Variants in PLCB4 observed in about 807,000 individuals in gnomAD.
PLCB4 encodes the protein phospholipase C beta 4.
In PLCB4, 77 loss-of-function variants were observed where a neutral mutation model predicts 178.8. The observed-to-expected ratio is 0.43, with a 90% CI of 0.36 to 0.52. The LOEUF (loss-of-function observed/expected upper bound fraction) is 0.52. Among genes scored for constraint, PLCB4 ranks in the 20% least tolerant of loss-of-function variants. The pLI, the probability that PLCB4 is intolerant of heterozygous loss-of-function variation, is 0.00. For missense variants in PLCB4, 1,024 were observed against 1,453.4 expected (o/e 0.70, Z 4.80); for synonymous variants, 496 against 490.8 (o/e 1.01, Z -0.14).
chr20:9,323,935 T>A (rs991615987), intron 4 of PLCB4, among the ~76,000 whole-genome samples: 1 of 152,106 alleles, frequency 6.6e-6, no homozygotes, highest in Admixed American at 6.5e-5. Flanking sequence ...CTCTCAGGTG[T>A]TTGTTCTGAG....
intron 2 of PLCB4, among the ~76,000 whole-genome samples, chr20:9,168,472 C>T (rs936565274): frequency 1.3e-5 from 2 of 152,156 alleles, no homozygotes; most frequent in Non-Finnish European, 2.9e-5. Context: ...CGGATCACTC[C>T]ACTGTTTTCC....
At chr20:9,380,207 A>G in intron 13 of PLCB4, 45 bp downstream of exon 13, 2 of 974,278 alleles carry the variant, frequency 2.1e-6, no homozygotes, top group Admixed American at 2.4e-5. Flanking sequence ...ACAAGAAAAG[A>G]TGCAACTTTT....
intron 3 of PLCB4, among the ~76,000 whole-genome samples, chr20:9,292,017 A>G (rs1428238262): frequency 6.6e-6 from 1 of 152,188 alleles, no homozygotes; most frequent in Non-Finnish European, 1.5e-5. Context: ...ATTAAATTGA[A>G]GAGCTCGTTG....
intron 39 of PLCB4, among the ~76,000 whole-genome samples, chr20:9,478,327 T>G (rs1406704320): frequency 6.6e-6 from 1 of 152,112 alleles, no homozygotes; most frequent in Non-Finnish European, 1.5e-5. Flanking sequence ...GGGATAGAGT[T>G]TGCACAATAA....
At chr20:9,192,403 T>G (rs1408526116) in intron 2 of PLCB4, among the ~76,000 whole-genome samples, 1 of 152,184 alleles carries the variant, frequency 6.6e-6, no homozygotes, top group African/African-American at 2.4e-5. Flanking sequence ...TTGATGAGTT[T>G]TTGGCAGGGC....
chr20:9,233,470 T>C (rs2093956521), intron 3 of PLCB4, among the ~76,000 whole-genome samples: 1 of 152,072 alleles, frequency 6.6e-6, no homozygotes, highest in Non-Finnish European at 1.5e-5. Flanking sequence ...ACAGGATAAT[T>C]TCATGTAGTG....
At chr20:9,231,206 T>A (rs1326750348) in intron 3 of PLCB4, among the ~76,000 whole-genome samples, 3 of 152,318 alleles carry the variant, frequency 2.0e-5, no homozygotes, top group Non-Finnish European at 4.4e-5. Flanking sequence ...TAGTTTCCAT[T>A]TTCAGAAGTC....
chr20:9,230,618 G>T (rs2093921482), intron 3 of PLCB4, among the ~76,000 whole-genome samples: 1 of 152,028 alleles, frequency 6.6e-6, no homozygotes, highest in South Asian at 2.1e-4. Context: ...CAGCAATTTG[G>T]GCTGGCCTTG....
intron 22 of PLCB4, among the ~76,000 whole-genome samples, chr20:9,408,262 G>A (rs1343562940): frequency 6.6e-6 from 1 of 152,140 alleles, no homozygotes; most frequent in Non-Finnish European, 1.5e-5. Flanking sequence ...CCACAAGGTG[G>A]CGATGAGAGA....
intron 4 of PLCB4, among the ~76,000 whole-genome samples, chr20:9,328,105 T>G (rs528149462): frequency 2.6e-5 from 4 of 152,194 alleles, no homozygotes; most frequent in African/African-American, 9.6e-5. Context: ...GGATTTAGAT[T>G]GAAGGGAAAA....
intron 2 of PLCB4, among the ~76,000 whole-genome samples, chr20:9,189,852 C>A (rs987736797): frequency 1.3e-5 from 2 of 152,064 alleles, no homozygotes; most frequent in South Asian, 4.1e-4. Flanking sequence ...TGAGGATAGA[C>A]CCATCATGGC....
chr20:9,477,340 CA>C (rs1471027272), intron 39 of PLCB4, among the ~76,000 whole-genome samples: 2 of 152,192 alleles, frequency 1.3e-5, no homozygotes, highest in East Asian at 3.9e-4. Context: ...TCTAGGACTA[CA>C]GGCATAAACT....
In PLCB4 at chr20:9,409,142, G is replaced by A. The variant is rs2039677534; in HGVS notation, c.1960G>A (p.Ala654Thr). Reference protein sequence around the residue: ...SNYMPQIFWNAGCQMVSLNYQ... With the variant: ...SNYMPQIFWNTGCQMVSLNYQ... ...TTACATGCCTCAGATTTTCTGGAACGCTGGCTGCCAGATGGTTTCACTGAA... is the reference window on the plus strand; with the variant it reads ...TTACATGCCTCAGATTTTCTGGAACACTGGCTGCCAGATGGTTTCACTGAA... The change falls in exon 24 of 40, where the codon GCT (alanine) becomes ACT (threonine). Residue 654 changes from alanine (A) to threonine (T), a missense_variant. This residue lies in a region of PLCB4 where 4 missense variants were observed against 42.5 expected (regional missense o/e 0.09). Coordinates refer to ENST00000378473, the MANE Select transcript of PLCB4 (RefSeq NM_001377142.1). The A allele has an allele frequency of 1.2e-6, 2 of 1,605,156 alleles. No homozygotes were observed. The highest frequency in any genetic ancestry group is 1.7e-6 in the Non-Finnish European group (2 of 1,177,898).
intron 3 of PLCB4, among the ~76,000 whole-genome samples, chr20:9,291,683 TG>T (rs1208306241): frequency 6.6e-5 from 10 of 152,272 alleles, no homozygotes; most frequent in African/African-American, 2.4e-4. Flanking sequence ...GGACTTCAGG[TG>T]GAACAATTTT....
chr20:9,120,336 C>T (rs1015725595), intron 2 of PLCB4, among the ~76,000 whole-genome samples: 4 of 152,102 alleles, frequency 2.6e-5, no homozygotes, highest in African/African-American at 4.8e-5. Context: ...CCTTGACACG[C>T]TCCTTTTCTC....
intron 36 of PLCB4, among the ~76,000 whole-genome samples, chr20:9,469,994 T>C (rs1310823562): frequency 1.3e-5 from 2 of 152,280 alleles, no homozygotes; most frequent in Non-Finnish European, 1.5e-5. Flanking sequence ...GAATAATACC[T>C]AGCAAGAAGG....
intron 14 of PLCB4, among the ~76,000 whole-genome samples, chr20:9,386,051 G>A (rs1364001096): frequency 6.6e-6 from 1 of 152,230 alleles, no homozygotes; most frequent in Non-Finnish European, 1.5e-5. Flanking sequence ...TCAGGAGCCG[G>A]AGACCAGCCC....
chr20:9,134,719 T>C (rs972841611), intron 2 of PLCB4, among the ~76,000 whole-genome samples: 10 of 152,294 alleles, frequency 6.6e-5, no homozygotes, highest in African/African-American at 2.2e-4. Context: ...TGTTACTTTT[T>C]ATGTTTTTTA....
intron 21 of PLCB4, among the ~76,000 whole-genome samples, chr20:9,406,243 C>T (rs1461562778): frequency 2.0e-5 from 3 of 152,128 alleles, no homozygotes; most frequent in African/African-American, 4.8e-5. Context: ...ACTGTGTGTG[C>T]AAGAACTCAT....
Sources: allele counts gnomAD v4.1 joint callset (sites outside exome capture counted in the v4.1 genomes callset), GRCh38; gene constraint gnomAD v4.1.1; regional missense constraint gnomAD v4.1.1; transcripts MANE v1.5; gene names NCBI Gene and HGNC (gene_info 2026-07-23, HGNC 2026-07-21).